Variants in ANKRD36C observed in about 807,000 individuals in gnomAD.
ANKRD36C encodes the protein ankyrin repeat domain 36C.
Under a neutral mutation model 276.4 loss-of-function variants are expected in ANKRD36C, and 61 were observed. That is an observed-to-expected ratio of 0.22 (90% CI 0.18 to 0.27). The LOEUF is 0.27. Among genes scored for constraint, ANKRD36C ranks in the 10% least tolerant of loss-of-function variants. The pLI, the probability that ANKRD36C is intolerant of heterozygous loss-of-function variation, is 1.00. For missense variants in ANKRD36C, 1,447 were observed against 2,032.3 expected, an observed-to-expected ratio of 0.71 and a Z score of 5.54; for synonymous variants, 483 against 680.1, an observed-to-expected ratio of 0.71 and a Z score of 4.51.
At chr2:95,957,440 G>GATAT (rs750315224) in intron 12 of ANKRD36C, among the ~76,000 whole-genome samples, 1 of 152,294 alleles carries the variant, frequency 6.6e-6, no homozygotes, top group Non-Finnish European at 1.5e-5. Context: ...GGTCAGCTTG[G>GATAT]ATATATGTTT....
chr2:95,958,541 TCTC>T (rs1475049955), intron 12 of ANKRD36C, 47 bp downstream of exon 12: 48 of 1,537,740 alleles, frequency 3.1e-5, no homozygotes, highest in Non-Finnish European at 3.8e-5. Context: ...GAAGGGAAGT[TCTC>T]CTCTATCTTC....
intron 61 of ANKRD36C, among the ~76,000 whole-genome samples, chr2:95,858,680 T>A (rs1675484263): frequency 6.6e-6 from 1 of 152,218 alleles, no homozygotes; most frequent in African/African-American, 2.4e-5. Flanking sequence ...TAAACATAAT[T>A]TACATTGTAA....
chr2:95,935,945 A>G (rs1677703482), intron 22 of ANKRD36C, among the ~76,000 whole-genome samples: 1 of 152,294 alleles, frequency 6.6e-6, no homozygotes, highest in South Asian at 2.1e-4. Flanking sequence ...CTCTAACTTA[A>G]AAACTATCAA....
chr2:95,892,953 C>T (rs1676418321), intron 44 of ANKRD36C, among the ~76,000 whole-genome samples: 1 of 150,808 alleles, frequency 6.6e-6, no homozygotes, highest in Non-Finnish European at 1.5e-5. Context: ...CCTGCAGCAG[C>T]CAAAATCAAG....
chr2:95,977,684 GC>G (rs1335171629), intron 6 of ANKRD36C, among the ~76,000 whole-genome samples: 1 of 151,996 alleles, frequency 6.6e-6, no homozygotes, highest in Non-Finnish European at 1.5e-5. Flanking sequence ...ATTTTCAACA[GC>G]ATGGGGATTG....
At position 95,884,175 on chromosome 2, in the gene ANKRD36C, GT is replaced by G; in HGVS notation, c.3262del (p.Thr1088GlnfsTer21). 1 of 1,606,392 alleles carries G rather than the reference GT, an allele frequency of 6.2e-7. No individual in the cohort carries two copies. Among genetic ancestry groups the G allele is most frequent in the African/African-American group, 1.3e-5 (1 of 74,800 alleles). On this transcript the variant is annotated frameshift_variant, in exon 54 of 67. Coordinates refer to ENST00000456556, the Ensembl canonical transcript of ANKRD36C. LOFTEE classifies it high-confidence loss of function. ...TTAAATGTGTTTTGCAAAATTACCT[GT>G]CCCAGATTTTTCTCCATCCTTTATT...
chr2:95,985,022 A>C (rs111462023), intron 3 of ANKRD36C, among the ~76,000 whole-genome samples: 1 of 152,234 alleles, frequency 6.6e-6, no homozygotes. Context: ...AGAATTTTTT[A>C]CTATTGTAAT....
chr2:95,957,876 T>C (rs1319420992), intron 12 of ANKRD36C, among the ~76,000 whole-genome samples: 1 of 152,196 alleles, frequency 6.6e-6, no homozygotes, highest in African/African-American at 2.4e-5. Context: ...ATTTATCTCA[T>C]TTGACTAACT....
At chr2:95,917,516 CCT>C (rs564204656) in intron 36 of ANKRD36C, among the ~76,000 whole-genome samples, 1 of 151,468 alleles carries the variant, frequency 6.6e-6, no homozygotes, top group Non-Finnish European at 1.5e-5. Context: ...ATCTATACTT[CCT>C]CTCTTTCTCC....
chr2:95,854,042 T>G (rs1437300121), intron 63 of ANKRD36C, among the ~76,000 whole-genome samples, 181 bp from the exon 84 acceptor site: 1 of 143,190 alleles, frequency 7.0e-6, no homozygotes, highest in Non-Finnish European at 1.5e-5. Flanking sequence ...ACAGAAGGTG[T>G]TATCTTCCTG....
chr2:95,934,194 G>A (rs953163263), intron 24 of ANKRD36C, among the ~76,000 whole-genome samples: 1 of 152,104 alleles, frequency 6.6e-6, no homozygotes, highest in African/African-American at 2.4e-5. Flanking sequence ...AGACAGTGTG[G>A]TGATTCCTCA....
At chr2:95,881,464 A>G (rs937390969) in intron 56 of ANKRD36C, among the ~76,000 whole-genome samples, 1 of 151,702 alleles carries the variant, frequency 6.6e-6, no homozygotes, top group Non-Finnish European at 1.5e-5. Context: ...TTTGTCTGTA[A>G]AATTAGTCTG....
At chr2:95,886,512 A>G (rs185559117) in intron 50 of ANKRD36C, among the ~76,000 whole-genome samples, 280 of 151,850 alleles carry the variant, frequency 1.8e-3, no homozygotes, top group African/African-American at 6.4e-3. Context: ...CAATTTCAAT[A>G]AGGATATGCC....
At chr2:95,916,450 G>C (rs979509352) in intron 36 of ANKRD36C, among the ~76,000 whole-genome samples, 2 of 151,612 alleles carry the variant, frequency 1.3e-5, no homozygotes, top group African/African-American at 4.8e-5. Context: ...TGGGTATGCT[G>C]AGTGATGAGG....
intron 59 of ANKRD36C, among the ~76,000 whole-genome samples, chr2:95,874,338 C>T (rs1345270239): frequency 6.6e-6 from 1 of 152,104 alleles, no homozygotes; most frequent in African/African-American, 2.4e-5. Context: ...GAGATATAGA[C>T]CAATGGAACA....
At position 95,890,090 on chromosome 2, in the gene ANKRD36C, C is replaced by T. The variant is rs1479508260; in HGVS notation, c.2858-96G>A. 2.7e-6 allele frequency: 4 copies of T among 1,470,210 alleles called. No individual in the cohort carries two copies. The African/African-American group carries it at 5.6e-5, about 21-fold the overall frequency. The allele number at this position is 1,470,210 out of a possible 1,614,324, so 91.1% of individuals were successfully genotyped here. ...GTTAGCATCAATCTCTGTCCTCCTGCCTGTATTAGTGTAGGCTTTGATGGC... is the reference window on the plus strand; with the variant it reads ...GTTAGCATCAATCTCTGTCCTCCTGTCTGTATTAGTGTAGGCTTTGATGGC... On this transcript the variant is annotated intron_variant, in intron 46 of 66. Coordinates refer to ENST00000456556, the Ensembl canonical transcript of ANKRD36C.
At chr2:95,923,746 T>A in intron 30 of ANKRD36C, 57 bp from the exon 31 acceptor site, 4 of 1,596,140 alleles carry the variant, frequency 2.5e-6, no homozygotes, top group Non-Finnish European at 3.4e-6. Flanking sequence ...AAGTTATCTA[T>A]ACATTCATGA....
At chr2:95,880,614 T>C in exon 57 of ANKRD36C, 1 of 1,516,758 alleles carries the variant, frequency 6.6e-7, no homozygotes, top group Non-Finnish European at 9.0e-7. Flanking sequence ...GGGCAGATTC[T>C]CAGGATACTC....
At chr2:95,889,452 C>T (rs1460569257) in intron 48 of ANKRD36C, among the ~76,000 whole-genome samples, 8 of 151,562 alleles carry the variant, frequency 5.3e-5, no homozygotes, top group East Asian at 1.9e-4. Flanking sequence ...TACAATCTGA[C>T]GCCTCTAATA....
Sources: allele counts gnomAD v4.1 joint callset (sites outside exome capture counted in the v4.1 genomes callset), GRCh38; gene constraint gnomAD v4.1.1; transcripts MANE v1.5; gene names NCBI Gene and HGNC (gene_info 2026-07-23, HGNC 2026-07-21).